Variants in CHD9 observed in about 807,000 individuals in gnomAD.
CHD9 encodes the protein ATP-dependent chromatin remodeler CHD9.
CHD9 carries 77 observed loss-of-function variants against 316.1 expected under a neutral mutation model. The ratio of observed to expected loss-of-function variants is 0.24; its 90% CI spans 0.20 to 0.29. CHD9 has a LOEUF of 0.29. Ranked by LOEUF, CHD9 falls within the 10% of genes least tolerant of loss-of-function variation. CHD9 has a pLI of 1.00. For synonymous variants in CHD9, 1,129 were observed against 1,158.3 expected (o/e 0.97, Z 0.51); for missense variants, 2,763 against 3,438.1 (o/e 0.80, Z 4.91).
At chr16:53,182,191 C>CTTTATT (rs1048075996) in intron 2 of CHD9, among the ~76,000 whole-genome samples, 2 of 151,994 alleles carry the variant, frequency 1.3e-5, no homozygotes, top group Non-Finnish European at 2.9e-5. Context: ...ATTTTTAAGG[C>CTTTATT]TTTATTTTTA....
In CHD9 at chr16:53,098,171, A is replaced by C. The variant is rs562058076; in HGVS notation, c.-165+43094A>C. Among the ~76,000 whole-genome samples the C allele has an allele frequency of 7.9e-5, 12 of 151,270 alleles. No individual in the cohort carries two copies. The South Asian group carries it at 8.3e-4, about 10-fold the overall frequency. On this transcript the variant is annotated intron_variant, in intron 1 of 38. Coordinates refer to ENST00000447540, the MANE Select transcript of CHD9 (RefSeq NM_001308319.2). Reference sequence around the variant, plus strand: ...TTTTCAGGTTTCAGACATTTCTGTAAACCAGTAGAAAAGCTGGGAGGCAGA... The same window carrying C: ...TTTTCAGGTTTCAGACATTTCTGTACACCAGTAGAAAAGCTGGGAGGCAGA...
chr16:53,112,414 G>A (rs907316093), intron 1 of CHD9, among the ~76,000 whole-genome samples: 3 of 152,190 alleles, frequency 2.0e-5, no homozygotes, highest in East Asian at 1.9e-4. Flanking sequence ...TGGCTGAGCT[G>A]AGCTTCTCTC....
At chr16:53,254,291 C>T (rs1597663281) in intron 17 of CHD9, 147 bp from the exon 18 acceptor site, 1 of 458,794 alleles carries the variant, frequency 2.2e-6, no homozygotes, top group East Asian at 3.4e-5. Context: ...TTGTGGTAAG[C>T]TCTCCCTTAA....
intron 1 of CHD9, among the ~76,000 whole-genome samples, chr16:53,103,409 A>C (rs976281863): frequency 6.6e-6 from 1 of 152,176 alleles, no homozygotes; most frequent in Non-Finnish European, 1.5e-5. Flanking sequence ...TGAATGAGCA[A>C]ATCAGTGAAT....
At chr16:53,296,923 T>A (rs1401295191) in intron 29 of CHD9, 33 bp from the exon 30 acceptor site, 1 of 1,393,402 alleles carries the variant, frequency 7.2e-7, no homozygotes, top group East Asian at 2.3e-5. Context: ...TAGTGACTAG[T>A]GTGGTTTTTT....
chr16:53,055,849 A>C (rs2032036583), intron 1 of CHD9, among the ~76,000 whole-genome samples: 3 of 152,166 alleles, frequency 2.0e-5, no homozygotes, highest in African/African-American at 7.2e-5. Context: ...GAAAGACACC[A>C]GTGTGGAATG....
At chr16:53,182,730 A>T (rs1269241759) in intron 2 of CHD9, among the ~76,000 whole-genome samples, 3 of 152,164 alleles carry the variant, frequency 2.0e-5, no homozygotes, top group Admixed American at 2.0e-4. Context: ...AAAAGGAGGA[A>T]ATCCAGCCTA....
intron 11 of CHD9, among the ~76,000 whole-genome samples, chr16:53,237,219 G>T (rs184781646): frequency 2.0e-5 from 3 of 152,060 alleles, no homozygotes; most frequent in Admixed American, 2.0e-4. Flanking sequence ...CCCATACTTT[G>T]GTAACTAGGT....
chr16:53,075,611 G>A (rs1288411916), intron 1 of CHD9, among the ~76,000 whole-genome samples: 3 of 152,134 alleles, frequency 2.0e-5, no homozygotes, highest in South Asian at 4.2e-4. Context: ...GTTTTATTCC[G>A]GGGGTGGGGG....
chr16:53,117,385 C>T (rs960102048), intron 1 of CHD9, among the ~76,000 whole-genome samples: 4 of 150,952 alleles, frequency 2.6e-5, no homozygotes, highest in African/African-American at 9.7e-5. Flanking sequence ...GCGATAGCCA[C>T]AGACATTCAG....
intron 38 of CHD9, among the ~76,000 whole-genome samples, chr16:53,322,533 A>C (rs2057343785): frequency 2.0e-5 from 3 of 151,612 alleles, no homozygotes; most frequent in Admixed American, 2.0e-4. Flanking sequence ...CAGAGGTTGC[A>C]GTGAGCCAAG....
Position 53,267,479 on chromosome 16 carries a change from G to A in CHD9, c.4506G>A (p.Leu1502=). The A allele has an allele frequency of 6.3e-7, 1 of 1,590,670 alleles. No individual in the cohort carries two copies. Among genetic ancestry groups the A allele is most frequent in the Non-Finnish European group, 8.6e-7 (1 of 1,169,092 alleles). ...AATGCTTTAGAGTTGAGAAAAACCT[G>A]CTAGTTTATGGGTAAAACATTGTTT... ...RTECFRVEKN[L]LVYGWGRWRE... is the part of the protein sequence containing the mutation. The change falls in exon 21 of 39, where the codon CTG becomes CTA. Residue 1502 remains leucine, a synonymous_variant. Transcript: ENST00000447540.
In CHD9 at chr16:53,231,319, C is replaced by T. The variant is rs188000778; in HGVS notation, c.2287-100C>T. The T allele has an allele frequency of 5.8e-4, 324 of 562,016 alleles. 4 individuals carry two copies. Among genetic ancestry groups the T allele is most frequent in the African/African-American group, 5.4e-3 (281 of 52,338 alleles). 34.8% of individuals were successfully genotyped at this position (562,016 alleles called of 1,614,324 possible). A position where few individuals can be genotyped will look rare whatever the true frequency, so the allele number is the denominator to read the frequency against. On this transcript the variant is annotated intron_variant, in intron 8 of 38. Coordinates refer to ENST00000447540, the MANE Select transcript of CHD9 (RefSeq NM_001308319.2). Reference sequence around the variant, plus strand: ...CATTTATTGGACATTTAACTGAAATCAAACTTACAAGGTCTATAGTGAAAT... The same window carrying T: ...CATTTATTGGACATTTAACTGAAATTAAACTTACAAGGTCTATAGTGAAAT...
chr16:53,310,009 A>G (rs2056327861), intron 34 of CHD9, among the ~76,000 whole-genome samples: 1 of 152,208 alleles, frequency 6.6e-6, no homozygotes, highest in Non-Finnish European at 1.5e-5. Flanking sequence ...TATTCTACTA[A>G]GTCTAGTTGC....
At chr16:53,118,681 C>A (rs944751071) in intron 1 of CHD9, among the ~76,000 whole-genome samples, 2 of 151,910 alleles carry the variant, frequency 1.3e-5, no homozygotes, top group African/African-American at 4.8e-5. Flanking sequence ...GCATCCTCAG[C>A]CAAAATGTCC....
intron 1 of CHD9, among the ~76,000 whole-genome samples, chr16:53,103,835 G>A (rs1034327722): frequency 2.0e-5 from 3 of 152,172 alleles, no homozygotes; most frequent in Non-Finnish European, 4.4e-5. Flanking sequence ...GCACAGGAAG[G>A]TGAGTAAGGC....
intron 22 of CHD9, among the ~76,000 whole-genome samples, chr16:53,268,945 A>G (rs985920811): frequency 2.6e-5 from 4 of 151,982 alleles, no homozygotes; most frequent in African/African-American, 9.7e-5. Flanking sequence ...TGGGACCACA[A>G]GCATGTAGCA....
At chr16:53,109,775 C>T (rs955707456) in intron 1 of CHD9, among the ~76,000 whole-genome samples, 1 of 146,822 alleles carries the variant, frequency 6.8e-6, no homozygotes, top group East Asian at 2.1e-4. Context: ...AGCTCCGCCT[C>T]CCGTATTCAC....
Position 53,279,060 on chromosome 16 carries a change from G to A in CHD9, c.4967+4758G>A, listed in dbSNP as rs189729408. ...TGCTGCTATAAAGACACATGCACAC[G>A]TACGTATATTGCGGCACTATTCACA... On this transcript the variant is annotated intron_variant, in intron 24 of 38. Coordinates refer to ENST00000447540, the MANE Select transcript of CHD9 (RefSeq NM_001308319.2). 4.6e-5 allele frequency among the ~76,000 whole-genome samples: 7 copies of A among 152,194 alleles called. No individual in the cohort carries two copies. The East Asian group carries it at 5.8e-4, about 13-fold the overall frequency.
Sources: gnomAD v4.1 joint callset for allele counts (sites outside exome capture counted in the v4.1 genomes callset) on GRCh38, gnomAD v4.1.1 for gene constraint, MANE v1.5 for transcripts, NCBI Gene and HGNC (gene_info 2026-07-23, HGNC 2026-07-21) for gene names.